Variants in DHX8 observed in about 807,000 individuals in gnomAD.
DHX8 encodes DEAH-box helicase 8.
In DHX8, 67 loss-of-function variants were observed where a neutral mutation model predicts 140.7. That is an observed-to-expected ratio of 0.48 (90% CI 0.39 to 0.58). The LOEUF (loss-of-function observed/expected upper bound fraction) is 0.58. Ranked by LOEUF, DHX8 falls within the 20% of genes least tolerant of loss-of-function variation. The pLI, the probability that DHX8 is intolerant of heterozygous loss-of-function variation, is 0.00. For missense variants in DHX8, 887 were observed against 1,550.7 expected (o/e 0.57, Z 7.19); for synonymous variants, 533 against 553.2 (o/e 0.96, Z 0.51).
At chr17:43,512,547 A>G (rs1969901652) in intron 16 of DHX8, among the ~76,000 whole-genome samples, 1 of 152,132 alleles carries the variant, frequency 6.6e-6, no homozygotes, top group Non-Finnish European at 1.5e-5. Context: ...GGCACTGAGG[A>G]GGGAAACATG....
chr17:43,544,351 C>G (rs961007535), exon 4 of DHX8: 1 of 152,720 alleles, frequency 6.5e-6, no homozygotes, highest in Non-Finnish European at 1.5e-5. Flanking sequence ...GGTATTCAAG[C>G]GGGATGGAAG....
At chr17:43,540,278 C>T (rs1484481204) in intron 3 of DHX8, among the ~76,000 whole-genome samples, 2 of 152,102 alleles carry the variant, frequency 1.3e-5, no homozygotes, top group African/African-American at 2.4e-5. Context: ...TGTGGCGAAA[C>T]CCCATCTCTA....
At chr17:43,526,458 G>A (rs984170972), downstream of DHX8, 28 of 1,534,708 alleles carry the variant, frequency 1.8e-5, no homozygotes, top group Non-Finnish European at 1.7e-5. Flanking sequence ...ACTTCATCCC[G>A]CCTGGACGTG....
At chr17:43,517,112 A>G (rs1970152799) in intron 17 of DHX8, 55 bp from the exon 18 acceptor site, 1 of 1,520,192 alleles carries the variant, frequency 6.6e-7, no homozygotes, top group Non-Finnish European at 8.9e-7. Flanking sequence ...ATCCTGGGTA[A>G]AGCTGTTAAG....
chr17:43,529,619 C>T (rs148198572), downstream of DHX8: 64 of 1,614,082 alleles, frequency 4.0e-5, no homozygotes, highest in Admixed American at 4.0e-4. Flanking sequence ...CAGGGCACCC[C>T]GGCGCTGGTA....
chr17:43,534,859 T>C (rs1010451020), intron 2 of DHX8, among the ~76,000 whole-genome samples: 8 of 152,220 alleles, frequency 5.3e-5, no homozygotes, highest in Admixed American at 1.3e-4. Context: ...GAGAATTGCT[T>C]GAACCTGGGA....
intron 8 of DHX8, among the ~76,000 whole-genome samples, chr17:43,495,268 G>A (rs1968790218): frequency 6.6e-6 from 1 of 152,116 alleles, no homozygotes; most frequent in Non-Finnish European, 1.5e-5. Flanking sequence ...ATTGTGAGGG[G>A]TTACATATTT....
At chr17:43,529,182 G>A (rs891897498), downstream of DHX8, 1 of 1,613,890 alleles carries the variant, frequency 6.2e-7, no homozygotes, top group Non-Finnish European at 8.5e-7. Context: ...GAGCGGCTCA[G>A]CTTGTCGTAA....
Position 43,515,596 on chromosome 17 carries a change from C to G in DHX8, c.2644-1571C>G, listed in dbSNP as rs150412176. Among the ~76,000 whole-genome samples the G allele has an allele frequency of 3.5e-3, 538 of 152,298 alleles. 5 individuals carry two copies. The highest frequency in any genetic ancestry group is 0.012 in the African/African-American group (518 of 41,558). On this transcript the variant is annotated intron_variant, in intron 17 of 22. Coordinates refer to ENST00000262415, the MANE Select transcript of DHX8 (RefSeq NM_004941.3). The stretch of plus-strand genomic sequence containing the variant: ...AGATATTATTTTCACAGATGAGGAA[C>G]CTGAGGCACAGAGGGGTTAGGTGAT...
intron 1 of DHX8, among the ~76,000 whole-genome samples, chr17:43,487,266 G>A (rs781443470): frequency 2.1e-4 from 32 of 152,206 alleles, no homozygotes; most frequent in Non-Finnish European, 3.7e-4. Context: ...AGATGTGTTC[G>A]TGTAGCCTGA....
chr17:43,499,136 T>C (rs1969041964), intron 10 of DHX8, among the ~76,000 whole-genome samples, 177 bp downstream of exon 10: 1 of 152,222 alleles, frequency 6.6e-6, no homozygotes, highest in Non-Finnish European at 1.5e-5. Flanking sequence ...CTTTATTGCT[T>C]TTGCCTGTTG....
rs71160045 is a variant in DHX8, at chr17:43,511,456, ATT to A, written c.2503-1888_2503-1887del. 4.6e-4 allele frequency among the ~76,000 whole-genome samples: 26 copies of A among 56,790 alleles called. 2 individuals carry two copies. Among genetic ancestry groups the A allele is most frequent in the Admixed American group, 2.6e-3 (8 of 3,042 alleles). The allele number at this position is 56,790 out of a possible 152,430, so 37.3% of individuals were successfully genotyped here. ...AGTGGCTTATGCCTGTGATCCCAGCATTTTTTTTTTTTTTTTTTTGAGACAGA... is the reference window on the plus strand; with the variant it reads ...AGTGGCTTATGCCTGTGATCCCAGCATTTTTTTTTTTTTTTTTGAGACAGA... On this transcript the variant is annotated intron_variant, in intron 16 of 22. Coordinates refer to ENST00000262415, the MANE Select transcript of DHX8 (RefSeq NM_004941.3).
At chr17:43,487,807 T>A (rs942282555) in intron 1 of DHX8, among the ~76,000 whole-genome samples, 6 of 151,772 alleles carry the variant, frequency 4.0e-5, no homozygotes, top group African/African-American at 1.5e-4. Flanking sequence ...CAAAACCCCG[T>A]CTCTACTAAA....
At chr17:43,510,167 G>T (rs898284785) in intron 16 of DHX8, among the ~76,000 whole-genome samples, 3 of 152,104 alleles carry the variant, frequency 2.0e-5, no homozygotes, top group Non-Finnish European at 4.4e-5. Flanking sequence ...TCCTGCCTCA[G>T]CCTCCCGAGT....
In DHX8 at chr17:43,524,277, T is replaced by C; in HGVS notation, c.*430T>C. ...CACCCCGTCTCCAGCCCCTGTACTT[T>C]GGCTTGACCTCGTGGAAATATTTAT... On this transcript the variant is annotated 3_prime_UTR_variant, in exon 23 of 23. Transcript: ENST00000262415. The C allele has an allele frequency of 2.0e-6, 2 of 1,011,190 alleles. No homozygotes were observed. The highest frequency in any genetic ancestry group is 1.2e-6 in the Non-Finnish European group (1 of 845,896). The allele number at this position is 1,011,190 out of a possible 1,614,324, so 62.6% of individuals were successfully genotyped here.
At chr17:43,526,138 G>C, downstream of DHX8, 6 of 985,362 alleles carry the variant, frequency 6.1e-6, no homozygotes, top group Non-Finnish European at 7.2e-6. Flanking sequence ...GGAGAAGGGG[G>C]GGGTCCTGTC....
intron 16 of DHX8, among the ~76,000 whole-genome samples, chr17:43,509,617 G>T (rs529243906): frequency 7.2e-5 from 11 of 152,024 alleles, no homozygotes; most frequent in African/African-American, 2.4e-4. Context: ...CTAAGCAGCT[G>T]GGACTACAGG....
In DHX8 at chr17:43,524,735, A is replaced by G; in HGVS notation, c.*888A>G. 1 of 985,172 alleles carries G rather than the reference A, an allele frequency of 1.0e-6. No homozygotes were observed. The highest frequency in any genetic ancestry group is 1.2e-6 in the Non-Finnish European group (1 of 829,852). The allele number at this position is 985,172 out of a possible 1,614,324, so 61.0% of individuals were successfully genotyped here. A position where few individuals can be genotyped will look rare whatever the true frequency, so the allele number is the denominator to read the frequency against. ...ACAGCTTTTATTTTATTTTGTTTTT[A>G]TTTTTTTCCCCTGAGGTCCTGGATG... On this transcript the variant is annotated 3_prime_UTR_variant, in exon 23 of 23. Transcript: ENST00000262415.
At chr17:43,539,332 T>A (rs1971405129) in intron 3 of DHX8, among the ~76,000 whole-genome samples, 1 of 152,202 alleles carries the variant, frequency 6.6e-6, no homozygotes, top group African/African-American at 2.4e-5. Context: ...TTCCTGACCA[T>A]CAGAGTCTCA....
Sources: allele counts gnomAD v4.1 joint callset (sites outside exome capture counted in the v4.1 genomes callset), GRCh38; gene constraint gnomAD v4.1.1; transcripts MANE v1.5; gene names NCBI Gene and HGNC (gene_info 2026-07-23, HGNC 2026-07-21).